The following COL27A1 variants were observed in gnomAD, a reference collection of about 807,000 sequenced individuals.
COL27A1 encodes collagen type XXVII alpha 1 chain.
Under a neutral mutation model 251.3 loss-of-function variants are expected in COL27A1, and 106 were observed. That is an observed-to-expected ratio of 0.42 (90% CI 0.36 to 0.50). The LOEUF is 0.50. Ranked by LOEUF, COL27A1 falls within the 20% of genes least tolerant of loss-of-function variation. The pLI is 0.00. For synonymous variants in COL27A1, 1,000 were observed against 986.3 expected (o/e 1.01, Z -0.26); for missense variants, 2,325 against 2,522.8 (o/e 0.92, Z 1.68).
chr9:114,225,514 G>A (rs1170806616), intron 14 of COL27A1, among the ~76,000 whole-genome samples: 2 of 152,184 alleles, frequency 1.3e-5, no homozygotes, highest in African/African-American at 4.8e-5. Flanking sequence ...TGCTCCCTGA[G>A]CAAATGCCTC....
rs1184964435 is a variant in COL27A1, at chr9:114,253,073, A to G, written c.3141+141A>G. ...GCCAGAGTTCAAGACCAGCCTGACA[A>G]ACATACCAAAACCTTGTCTCTACGG... On this transcript the variant is annotated intron_variant, in intron 27 of 60. Coordinates refer to ENST00000356083, the MANE Select transcript of COL27A1 (RefSeq NM_032888.4). 5.7e-6 allele frequency: 4 copies of G among 705,160 alleles called. No homozygotes were observed. In the East Asian group the frequency reaches 1.0e-4, roughly 18 times the overall value. 43.7% of individuals were successfully genotyped at this position (705,160 alleles called of 1,614,324 possible).
chr9:114,205,916 C>T, intron 9 of COL27A1, 104 bp downstream of exon 9: 1 of 1,063,278 alleles, frequency 9.4e-7, no homozygotes. Context: ...CAAGGAGCTG[C>T]ACCTGCTGGG....
intron 39 of COL27A1, among the ~76,000 whole-genome samples, 181 bp from the exon 40 acceptor site, chr9:114,283,528 G>A (rs1030729817): frequency 6.6e-6 from 1 of 152,148 alleles, no homozygotes; most frequent in Admixed American, 6.5e-5. Context: ...GGCAGGGGTG[G>A]GGAACTCCAG....
intron 49 of COL27A1, among the ~76,000 whole-genome samples, chr9:114,293,550 CAAA>C (rs113550290): frequency 1.5e-5 from 2 of 131,790 alleles, no homozygotes; most frequent in Admixed American, 7.7e-5. Context: ...AAAAATAAAC[CAAA>C]AAAAAAAAAA....
In COL27A1 at chr9:114,297,134, A is replaced by G. The variant is rs545359931; in HGVS notation, c.4585-2936A>G. Among the ~76,000 whole-genome samples the G allele has an allele frequency of 3.3e-5, 5 of 152,348 alleles. No individual in the cohort carries two copies. In the East Asian group the frequency reaches 7.7e-4, roughly 23 times the overall value. On this transcript the variant is annotated intron_variant, in intron 49 of 60. Coordinates refer to ENST00000356083, the MANE Select transcript of COL27A1 (RefSeq NM_032888.4). ...TGTTATTGTCTTGGTTGTTGTGACA[A>G]TTACAAGGGTGAATACAGACAGATA...
At chr9:114,209,801 C>A in intron 11 of COL27A1, 73 bp downstream of exon 11, 1 of 1,433,002 alleles carries the variant, frequency 7.0e-7, no homozygotes, top group Non-Finnish European at 9.8e-7. Flanking sequence ...TGCCAGGCAC[C>A]AGCCTGGGGA....
At chr9:114,233,673 C>T (rs544601225) in intron 16 of COL27A1, among the ~76,000 whole-genome samples, 2 of 152,134 alleles carry the variant, frequency 1.3e-5, no homozygotes, top group Non-Finnish European at 2.9e-5. Context: ...CTCAGCTCAG[C>T]GTTGCTTCAG....
At chr9:114,292,390 C>T (rs1827984974) in intron 49 of COL27A1, among the ~76,000 whole-genome samples, 180 bp downstream of exon 49, 1 of 152,182 alleles carries the variant, frequency 6.6e-6, no homozygotes, top group African/African-American at 2.4e-5. Flanking sequence ...TCTGCCACCC[C>T]TCAACCAGGT....
intron 37 of COL27A1, among the ~76,000 whole-genome samples, chr9:114,278,472 GGTGGTGGTGATA>G: frequency 6.9e-6 from 1 of 145,918 alleles, no homozygotes; most frequent in Admixed American, 6.8e-5. Flanking sequence ...TGGTGGTGAT[GGTGGTGGTGATA>G]ATGGTGGTGG....
intron 3 of COL27A1, among the ~76,000 whole-genome samples, chr9:114,175,279 G>A (rs1330544799): frequency 6.6e-6 from 1 of 152,218 alleles, no homozygotes. Flanking sequence ...CAGAGGCCCC[G>A]TTGTTTGCAA....
At chr9:114,196,816 G>A (rs1349897676) in intron 7 of COL27A1, among the ~76,000 whole-genome samples, 1 of 152,096 alleles carries the variant, frequency 6.6e-6, no homozygotes, top group Non-Finnish European at 1.5e-5. Context: ...CAGTCCCCCT[G>A]GATTTCTGTG....
At chr9:114,256,497 A>C (rs1669808146) in intron 27 of COL27A1, among the ~76,000 whole-genome samples, 4 of 152,274 alleles carry the variant, frequency 2.6e-5, no homozygotes, top group Admixed American at 2.6e-4. Context: ...CATCTCAACA[A>C]AAAAAGATTA....
chr9:114,289,408 G>A, intron 45 of COL27A1, 113 bp downstream of exon 45: 1 of 1,049,692 alleles, frequency 9.5e-7, no homozygotes. Flanking sequence ...GCAGGGTAGG[G>A]AGGGGCGGCC....
chr9:114,302,114 T>C lies in COL27A1; in HGVS notation c.4872+6T>C, dbSNP rs370243975. The C allele has an allele frequency of 5.6e-6, 9 of 1,611,990 alleles. No individual in the cohort carries two copies. Among genetic ancestry groups the C allele is most frequent in the Non-Finnish European group, 7.6e-6 (9 of 1,178,090 alleles). ...CAGGGGGTCCTATCCAATTGGTAAG[T>C]TGGAAACCTTCTCTTTTGCCTACTT... On this transcript the variant is annotated splice_donor_region_variant and intron_variant, in intron 56 of 60. Coordinates refer to ENST00000356083, the MANE Select transcript of COL27A1 (RefSeq NM_032888.4).
chr9:114,302,210 G>A (rs1828698665), intron 56 of COL27A1, 102 bp downstream of exon 56: 1 of 976,680 alleles, frequency 1.0e-6, no homozygotes, highest in Non-Finnish European at 1.6e-6. Flanking sequence ...AGAGCCCTAA[G>A]CTGGGTCTAG....
At chr9:114,205,328 T>C (rs566343850) in intron 8 of COL27A1, among the ~76,000 whole-genome samples, 182 bp downstream of exon 8, 13 of 152,316 alleles carry the variant, frequency 8.5e-5, no homozygotes, top group Middle Eastern at 3.4e-3. Context: ...CCCAGCCACA[T>C]TTGCCCAAAA....
chr9:114,245,244 C>T (rs1033507404), intron 23 of COL27A1, among the ~76,000 whole-genome samples: 1 of 151,330 alleles, frequency 6.6e-6, no homozygotes, highest in African/African-American at 2.4e-5. Context: ...CAACCTCCAC[C>T]TCCTGGGTTC....
chr9:114,241,765 A>T (rs956203849), intron 21 of COL27A1, among the ~76,000 whole-genome samples: 6 of 152,190 alleles, frequency 3.9e-5, no homozygotes, highest in Non-Finnish European at 8.8e-5. Flanking sequence ...GACCTCCAGG[A>T]ACTCAGCTGA....
At chr9:114,189,994 A>G (rs79298980) in intron 5 of COL27A1, among the ~76,000 whole-genome samples, 3,064 of 152,200 alleles carry the variant, frequency 0.02, 42 homozygotes, top group Middle Eastern at 0.054. Context: ...GTTCTTATTT[A>G]TTTTTCCTGC....
Sources: gnomAD v4.1 joint callset for allele counts (sites outside exome capture counted in the v4.1 genomes callset) on GRCh38, gnomAD v4.1.1 for gene constraint, MANE v1.5 for transcripts, NCBI Gene and HGNC (gene_info 2026-07-23, HGNC 2026-07-21) for gene names.